The following RIF1 variants were observed in gnomAD, a reference collection of about 807,000 sequenced individuals.
RIF1 encodes the protein replication timing regulatory factor 1, also known as telomere-associated protein RIF1.
In RIF1, 45 loss-of-function variants were observed where a neutral mutation model predicts 247.1. That is an observed-to-expected ratio of 0.18 (90% CI 0.14 to 0.23). The LOEUF (loss-of-function observed/expected upper bound fraction) is 0.23. Among genes scored for constraint, RIF1 ranks in the 10% least tolerant of loss-of-function variants. RIF1 has a pLI of 1.00. For missense variants in RIF1, 2,967 were observed against 2,862.5 expected (o/e 1.04, Z -0.83); for synonymous variants, 1,087 against 978.8 (o/e 1.11, Z -2.06).
chr2:151,524,355 G>A, the RIF1 span: 1 of 1,613,748 alleles, frequency 6.2e-7, no homozygotes, highest in Non-Finnish European at 8.5e-7. Context: ...TCTATGTCTG[G>A]GCGACCGAGC....
At chr2:151,425,275 T>C (rs1233856498) in intron 8 of RIF1, among the ~76,000 whole-genome samples, 1 of 152,186 alleles carries the variant, frequency 6.6e-6, no homozygotes, top group Non-Finnish European at 1.5e-5. Context: ...TGTAGTTCTT[T>C]ATATGTTTTG....
intron 20 of RIF1, among the ~76,000 whole-genome samples, chr2:151,448,355 T>A (rs1574049320): frequency 1.3e-5 from 2 of 152,178 alleles, no homozygotes; most frequent in East Asian, 3.8e-4. Flanking sequence ...AAAATGACAG[T>A]TCTTATTGTA....
chr2:151,456,775 C>G (rs1196747113), intron 23 of RIF1, among the ~76,000 whole-genome samples, 155 bp downstream of exon 23: 1 of 152,172 alleles, frequency 6.6e-6, no homozygotes, highest in Non-Finnish European at 1.5e-5. Flanking sequence ...TCTTGTCACC[C>G]AAGCTGGAGT....
chr2:151,488,023 G>A (rs1239689000), intron 9 of RIF1, among the ~76,000 whole-genome samples: 1 of 151,912 alleles, frequency 6.6e-6, no homozygotes, highest in African/African-American at 2.4e-5. Flanking sequence ...TTGGTTACTA[G>A]CACTTTTATT....
intron 12 of RIF1, chr2:151,506,020 G>A: frequency 2.7e-6 from 2 of 737,508 alleles, no homozygotes; most frequent in Non-Finnish European, 4.9e-6. Context: ...GATGACTCTA[G>A]CCACTGTGTG....
intron 27 of RIF1, 69 bp downstream of exon 27, chr2:151,461,358 A>G: frequency 6.8e-7 from 1 of 1,463,240 alleles, no homozygotes; most frequent in Non-Finnish European, 9.4e-7. Context: ...AGAAAAGTGT[A>G]ACTTTGTGTT....
intron 4 of RIF1, among the ~76,000 whole-genome samples, chr2:151,415,806 G>A (rs1418828362): frequency 6.6e-6 from 1 of 152,060 alleles, no homozygotes; most frequent in African/African-American, 2.4e-5. Flanking sequence ...GAACCTGGGA[G>A]ATGGAGGTTG....
At chr2:151,491,347 A>G (rs2056492963) in intron 9 of RIF1, 1 of 216,238 alleles carries the variant, frequency 4.6e-6, no homozygotes, top group South Asian at 7.3e-5. Context: ...GGAAGTTCCT[A>G]CAGGTCAAAT....
chr2:151,494,578 A>G (rs945973389), intron 9 of RIF1, among the ~76,000 whole-genome samples: 1 of 152,178 alleles, frequency 6.6e-6, no homozygotes, highest in Non-Finnish European at 1.5e-5. Context: ...AGTTACAGGC[A>G]TGAGCTTCAA....
intron 25 of RIF1, among the ~76,000 whole-genome samples, chr2:151,459,773 C>G (rs776643686): frequency 3.3e-5 from 5 of 152,092 alleles, no homozygotes; most frequent in Non-Finnish European, 7.4e-5. Context: ...TTTCAGAATT[C>G]ATAAAATTGA....
intron 30 of RIF1, among the ~76,000 whole-genome samples, chr2:151,466,564 T>G (rs1028906037): frequency 6.6e-6 from 1 of 152,060 alleles, no homozygotes; most frequent in African/African-American, 2.4e-5. Flanking sequence ...AAAAAACTCA[T>G]GTGCCTTCAT....
In RIF1 at chr2:151,465,733, T is replaced by G. The variant is rs765050238; in HGVS notation, c.6213T>G (p.Val2071=). The change falls in exon 30 of 36, where the codon GTT becomes GTG. Residue 2071 remains valine, a synonymous_variant. Transcript: ENST00000444746. ...AEMDNFVCDT[V]EMSTEEGIID... is the part of the protein sequence containing the mutation. Reference sequence around the variant, plus strand: ...TGGACAACTTTGTTTGTGACACAGTTGAAATGAGCACTGAAGAAGGAATCA... The same window carrying G: ...TGGACAACTTTGTTTGTGACACAGTGGAAATGAGCACTGAAGAAGGAATCA... 2 of 1,614,108 alleles carry G rather than the reference T, an allele frequency of 1.2e-6. No homozygotes were observed. The highest frequency in any genetic ancestry group is 1.7e-6 in the Non-Finnish European group (2 of 1,180,002).
intron 12 of RIF1, chr2:151,503,270 T>TA: frequency 3.8e-6 from 4 of 1,057,034 alleles, no homozygotes; most frequent in Non-Finnish European, 5.8e-6. Context: ...GTTAAGATGT[T>TA]ACTTTCTTTA....
intron 3 of RIF1, among the ~76,000 whole-genome samples, chr2:151,411,737 C>G (rs1354837927): frequency 6.6e-6 from 1 of 152,152 alleles, no homozygotes; most frequent in East Asian, 1.9e-4. Context: ...CCAGTTGACT[C>G]AAAAGCTTTG....
chr2:151,413,965 A>G (rs577150697), intron 3 of RIF1, among the ~76,000 whole-genome samples: 1 of 152,306 alleles, frequency 6.6e-6, no homozygotes, highest in East Asian at 1.9e-4. Context: ...ATACTCTTTG[A>G]CAGATTTGGC....
At chr2:151,524,295 C>T in the RIF1 span, 2 of 1,602,470 alleles carry the variant, frequency 1.2e-6, no homozygotes, top group Non-Finnish European at 1.7e-6. Context: ...GCCACCAGTG[C>T]ACCCATCTGC....
At position 151,468,107 on chromosome 2, in the gene RIF1, A is replaced by G. The variant is rs1332066808; in HGVS notation, c.6708A>G (p.Ile2236Met). ...CCCATTCTTCCAATAGTTCTCCCATAGGAAAAAGTGTTAAAACTTCTCCTA... is the reference window on the plus strand; with the variant it reads ...CCCATTCTTCCAATAGTTCTCCCATGGGAAAAAGTGTTAAAACTTCTCCTA... ...VRSHSSNSSP[I>M]GKSVKTSPTT... The change falls in exon 31 of 36, where the codon ATA becomes ATG. Residue 2236 changes from isoleucine to methionine, a missense_variant. Coordinates refer to ENST00000444746, the MANE Select transcript of RIF1 (RefSeq NM_018151.5). 5.6e-6 allele frequency: 9 copies of G among 1,613,532 alleles called. No individual in the cohort carries two copies. The highest frequency in any genetic ancestry group is 7.6e-6 in the Non-Finnish European group (9 of 1,179,662).
intron 10 of RIF1, chr2:151,497,091 A>T: frequency 9.2e-6 from 14 of 1,528,166 alleles, no homozygotes; most frequent in Non-Finnish European, 1.2e-5. Flanking sequence ...ATTTGTTGAA[A>T]GGTTTTAAGG....
In RIF1 at chr2:151,441,979, G is replaced by A; in HGVS notation, c.1722G>A (p.Met574Ile). The A allele has an allele frequency of 6.7e-7, 1 of 1,489,166 alleles. No homozygotes were observed. The highest frequency in any genetic ancestry group is 9.2e-7 in the Non-Finnish European group (1 of 1,092,152). 92.2% of individuals were successfully genotyped at this position (1,489,166 alleles called of 1,614,324 possible). ...LGSPAYQVAN[M>I]DILNGTPALF... ...CACCAGCATATCAGGTTGCTAATAT[G>A]GATATTCTTAATGCAAGTATCTTAA... Residue 574 changes from methionine to isoleucine, a missense_variant, in exon 16 of 36, where the codon ATG becomes ATA. This residue lies in a region of RIF1 where 369 missense variants were observed against 322.0 expected (regional missense o/e 1.15). Transcript: ENST00000444746.
Sources: gnomAD v4.1 joint callset for allele counts (sites outside exome capture counted in the v4.1 genomes callset) on GRCh38, gnomAD v4.1.1 for gene constraint, gnomAD v4.1.1 regional missense constraint, MANE v1.5 for transcripts, NCBI Gene and HGNC (gene_info 2026-07-23, HGNC 2026-07-21) for gene names.